Variants in ARRB1 observed in about 807,000 individuals in gnomAD.
ARRB1 encodes beta-arrestin-1.
ARRB1 carries 21 observed loss-of-function variants against 56.8 expected under a neutral mutation model. The ratio of observed to expected loss-of-function variants is 0.37; its 90% CI spans 0.26 to 0.53. ARRB1 has a LOEUF of 0.53. Ranked by LOEUF, ARRB1 falls within the 20% of genes least tolerant of loss-of-function variation. The probability of loss-of-function intolerance (pLI) is 0.88; values close to 1 mark genes in which losing one functional copy is unlikely to be tolerated. For missense variants in ARRB1, 424 were observed against 553.7 expected (o/e 0.77, Z 2.35); for synonymous variants, 210 against 218.6 (o/e 0.96, Z 0.35).
intron 1 of ARRB1, among the ~76,000 whole-genome samples, chr11:75,347,551 C>T (rs1031675896): frequency 3.3e-5 from 5 of 152,178 alleles, no homozygotes; most frequent in African/African-American, 1.2e-4. Context: ...AGAAAGGACG[C>T]ACAACTTGAG....
At position 75,351,574 on chromosome 11, in the gene ARRB1, C is replaced by T. The variant is rs1592000571; in HGVS notation, c.20+14G>A. ...CCCCACGCGCCCCCCGCCGGGCGGCCGCCCTGCACTCACCGGGTCCCTTTG... is the reference window on the plus strand; with the variant it reads ...CCCCACGCGCCCCCCGCCGGGCGGCTGCCCTGCACTCACCGGGTCCCTTTG... On this transcript the variant is annotated intron_variant, in intron 1 of 15. Transcript: ENST00000420843. 2 of 1,489,656 alleles carry T rather than the reference C, an allele frequency of 1.3e-6. No homozygotes were observed. The highest frequency in any genetic ancestry group is 2.9e-5 in the East Asian group (1 of 35,014). 92.3% of individuals were successfully genotyped at this position (1,489,656 alleles called of 1,614,324 possible). A position where few individuals can be genotyped will look rare whatever the true frequency, so the allele number is the denominator to read the frequency against.
intron 1 of ARRB1, among the ~76,000 whole-genome samples, chr11:75,294,354 C>T (rs1206651821): frequency 2.0e-5 from 3 of 151,944 alleles, no homozygotes; most frequent in African/African-American, 2.4e-5. Flanking sequence ...GTCAGGAGTT[C>T]AAGACCAGCC....
intron 1 of ARRB1, among the ~76,000 whole-genome samples, chr11:75,348,378 TCTC>T (rs1947803270): frequency 6.6e-6 from 1 of 152,060 alleles, no homozygotes; most frequent in Non-Finnish European, 1.5e-5. Context: ...GTTGGGGACT[TCTC>T]CTTAAGCCTC....
chr11:75,287,450 C>T, intron 2 of ARRB1, 75 bp from the exon 3 acceptor site: 1 of 1,463,172 alleles, frequency 6.8e-7, no homozygotes, highest in Non-Finnish European at 9.3e-7. Flanking sequence ...GGAGGAAACC[C>T]TGCGGGCAGC....
intron 1 of ARRB1, among the ~76,000 whole-genome samples, chr11:75,316,218 T>C (rs1055668604): frequency 4.0e-5 from 6 of 151,888 alleles, no homozygotes; most frequent in African/African-American, 1.5e-4. Context: ...TCCCAGCTAC[T>C]TGGGAGGCTG....
In ARRB1 at chr11:75,262,882, G is replaced by C. The variant is rs1033666514; in HGVS notation, c.*3281C>G. Among the ~76,000 whole-genome samples the C allele has an allele frequency of 6.6e-5, 10 of 152,218 alleles. No homozygotes were observed. Among genetic ancestry groups the C allele is most frequent in the African/African-American group, 2.2e-4 (9 of 41,444 alleles). Reference sequence around the variant, plus strand: ...CAGGTGAACCCACTCTAGCAGGTCTGAGCTTTGAGGCTGAGGAGAGGTGCA... The same window carrying C: ...CAGGTGAACCCACTCTAGCAGGTCTCAGCTTTGAGGCTGAGGAGAGGTGCA... On this transcript the variant is annotated 3_prime_UTR_variant, in exon 16 of 16. Transcript: ENST00000420843.
chr11:75,305,026 T>C (rs1249684125), intron 1 of ARRB1, among the ~76,000 whole-genome samples: 1 of 138,624 alleles, frequency 7.2e-6, no homozygotes, highest in African/African-American at 2.6e-5. Context: ...TTCTTTTTTT[T>C]TTTTTTTTTT....
chr11:75,267,588 G>T, intron 15 of ARRB1, 64 bp downstream of exon 15: 3 of 1,499,462 alleles, frequency 2.0e-6, no homozygotes, highest in Non-Finnish European at 2.8e-6. Flanking sequence ...ATATGCAAAT[G>T]ACCCCCTCCA....
intron 7 of ARRB1, among the ~76,000 whole-genome samples, chr11:75,280,467 C>G (rs992390568): frequency 6.6e-6 from 1 of 152,242 alleles, no homozygotes; most frequent in Non-Finnish European, 1.5e-5. Context: ...GCAGACAGAG[C>G]ACAGCCCGAC....
intron 1 of ARRB1, among the ~76,000 whole-genome samples, chr11:75,300,187 A>G (rs1476708759): frequency 7.1e-6 from 1 of 141,410 alleles, no homozygotes; most frequent in African/African-American, 2.7e-5. Context: ...TGGGCAACAC[A>G]GTGAGACTCT....
At chr11:75,335,934 C>A (rs1947596265) in intron 1 of ARRB1, among the ~76,000 whole-genome samples, 1 of 152,240 alleles carries the variant, frequency 6.6e-6, no homozygotes, top group African/African-American at 2.4e-5. Context: ...ACTTGCTGTG[C>A]ACCTATTGCA....
chr11:75,300,622 G>C (rs1273849219), intron 1 of ARRB1, among the ~76,000 whole-genome samples: 5 of 152,190 alleles, frequency 3.3e-5, no homozygotes, highest in African/African-American at 1.2e-4. Flanking sequence ...ATGTGGTCAA[G>C]AGATTGAGAC....
intron 1 of ARRB1, among the ~76,000 whole-genome samples, chr11:75,339,051 T>A (rs1277752621): frequency 2.6e-5 from 4 of 152,224 alleles, no homozygotes; most frequent in Admixed American, 1.3e-4. Context: ...TCTCCACCAC[T>A]CCACGTGGCC....
chr11:75,320,266 G>C (rs1025852455), intron 1 of ARRB1, among the ~76,000 whole-genome samples: 4 of 152,274 alleles, frequency 2.6e-5, no homozygotes, highest in Admixed American at 2.6e-4. Context: ...TGCCCAAGGT[G>C]GGGAGGGGGC....
intron 1 of ARRB1, among the ~76,000 whole-genome samples, chr11:75,320,489 G>C (rs1411566433): frequency 6.6e-6 from 1 of 152,352 alleles, no homozygotes; most frequent in South Asian, 2.1e-4. Context: ...GTGGCCCTGA[G>C]GCTGGAGCCT....
In ARRB1 at chr11:75,283,493, G is replaced by A. The variant is rs771593004; in HGVS notation, c.158-10C>T. The A allele has an allele frequency of 6.3e-7, 1 of 1,598,244 alleles. No homozygotes were observed. The highest frequency in any genetic ancestry group is 1.7e-5 in the Admixed American group (1 of 58,794). The stretch of plus-strand genomic sequence containing the variant: ...GTCAGCGTCACATAGACTGTGGGGA[G>A]CGAGGAGCACTGAGGAGGGGCCTGG... On this transcript the variant is annotated splice_polypyrimidine_tract_variant and intron_variant, in intron 4 of 15. Coordinates refer to ENST00000420843, the MANE Select transcript of ARRB1 (RefSeq NM_004041.5).
At chr11:75,330,931 T>C (rs1947510411) in intron 1 of ARRB1, among the ~76,000 whole-genome samples, 1 of 152,124 alleles carries the variant, frequency 6.6e-6, no homozygotes, top group Non-Finnish European at 1.5e-5. Context: ...ATATCCCGTG[T>C]CCCCCGTGCC....
intron 1 of ARRB1, among the ~76,000 whole-genome samples, chr11:75,299,929 A>C (rs1366731623): frequency 6.6e-6 from 1 of 152,182 alleles, no homozygotes; most frequent in East Asian, 1.9e-4. Flanking sequence ...GTGGTAGGAC[A>C]GGCGCAGTGG....
At chr11:75,348,061 C>T (rs1439177575) in intron 1 of ARRB1, among the ~76,000 whole-genome samples, 10 of 152,232 alleles carry the variant, frequency 6.6e-5, no homozygotes, top group Non-Finnish European at 1.2e-4. Context: ...TCTGCTGCCT[C>T]ACACTCTTCT....
Sources: gnomAD v4.1 joint callset for allele counts (sites outside exome capture counted in the v4.1 genomes callset) on GRCh38, gnomAD v4.1.1 for gene constraint, MANE v1.5 for transcripts, NCBI Gene and HGNC (gene_info 2026-07-23, HGNC 2026-07-21) for gene names.